Variants in PMFBP1 observed in about 807,000 individuals in gnomAD.
The protein encoded by PMFBP1 is polyamine-modulated factor 1-binding protein 1.
A neutral mutation model predicts 137.8 loss-of-function variants in PMFBP1; 131 were observed. The ratio of observed to expected loss-of-function variants is 0.95; its 90% CI spans 0.82 to 1.10. PMFBP1 has a LOEUF of 1.10. Ranked by LOEUF, PMFBP1 falls within the 50% of genes least tolerant of loss-of-function variation. PMFBP1 has a pLI of 0.00. For synonymous variants in PMFBP1, 490 were observed against 450.4 expected (o/e 1.09, Z -1.11); for missense variants, 1,199 against 1,175.4 (o/e 1.02, Z -0.29).
chr16:72,154,119 C>T (rs751069049), intron 4 of PMFBP1, 92 bp downstream of exon 4: 719 of 1,506,734 alleles, frequency 4.8e-4, no homozygotes, highest in Middle Eastern at 2.9e-3. Context: ...GCAAAGCTCT[C>T]CTAAGTCCAG....
upstream of PMFBP1, among the ~76,000 whole-genome samples, chr16:72,173,468 G>A (rs1161788608): frequency 1.3e-5 from 2 of 152,188 alleles, no homozygotes; most frequent in African/African-American, 4.8e-5. Context: ...AGAGCCAAGA[G>A]CATTTCGAAG....
chr16:72,236,956 C>A, the PMFBP1 span, among the ~76,000 whole-genome samples: 59 of 152,268 alleles, frequency 3.9e-4, 1 homozygote, highest in Middle Eastern at 6.8e-3. Context: ...AAAATACTTT[C>A]ATCACTTCTC....
the PMFBP1 span, among the ~76,000 whole-genome samples, chr16:72,223,196 TGAG>T: frequency 2.0e-5 from 3 of 152,074 alleles, no homozygotes; most frequent in Admixed American, 6.6e-5. Context: ...AGGTTAAAGT[TGAG>T]GAGTATGTCA....
chr16:72,119,243 A>G lies in PMFBP1; in HGVS notation c.*95T>C. The G allele has an allele frequency of 7.2e-7, 1 of 1,391,842 alleles. No homozygotes were observed. The highest frequency in any genetic ancestry group is 1.4e-5 in the African/African-American group (1 of 69,770). The allele number at this position is 1,391,842 out of a possible 1,614,324, so 86.2% of individuals were successfully genotyped here. A position where few individuals can be genotyped will look rare whatever the true frequency, so the allele number is the denominator to read the frequency against. On this transcript the variant is annotated 3_prime_UTR_variant, in exon 21 of 21. Transcript: ENST00000237353. ...GCTGGGACCGTGATATACTCCTGTA[A>G]GAGCTGATCCAGGTCAAGAGAGAGG...
At chr16:72,204,836 G>A in the PMFBP1 span, among the ~76,000 whole-genome samples, 1 of 152,200 alleles carries the variant, frequency 6.6e-6, no homozygotes, top group Non-Finnish European at 1.5e-5. Flanking sequence ...TCTGTCCAGT[G>A]AGGTAGCCCT....
the PMFBP1 span, among the ~76,000 whole-genome samples, chr16:72,234,267 A>T: frequency 1.3e-5 from 2 of 152,172 alleles, no homozygotes; most frequent in Non-Finnish European, 2.9e-5. Context: ...AACTTGCCAA[A>T]CAGATGGAGA....
chr16:72,155,811 A>C (rs1197900125), intron 3 of PMFBP1, among the ~76,000 whole-genome samples: 1 of 152,076 alleles, frequency 6.6e-6, no homozygotes, highest in African/African-American at 2.4e-5. Flanking sequence ...GTTTTAGAAC[A>C]TTTCTATCAA....
At chr16:72,199,262 G>A in the PMFBP1 span, among the ~76,000 whole-genome samples, 1 of 146,008 alleles carries the variant, frequency 6.8e-6, no homozygotes, top group Admixed American at 6.9e-5. Context: ...CCCGCTTTAT[G>A]AATGTCACTT....
chr16:72,121,311 A>G (rs2042373928), intron 19 of PMFBP1, among the ~76,000 whole-genome samples: 1 of 152,126 alleles, frequency 6.6e-6, no homozygotes, highest in African/African-American at 2.4e-5. Flanking sequence ...GTGGGTCTGG[A>G]GAGGGGGTCT....
At chr16:72,161,871 G>C (rs539175506) in intron 3 of PMFBP1, among the ~76,000 whole-genome samples, 1 of 152,024 alleles carries the variant, frequency 6.6e-6, no homozygotes, top group East Asian at 1.9e-4. Flanking sequence ...GTGTAATAAT[G>C]CCCATCAAGA....
At chr16:72,245,431 C>G in the PMFBP1 span, among the ~76,000 whole-genome samples, 2 of 152,158 alleles carry the variant, frequency 1.3e-5, no homozygotes, top group African/African-American at 2.4e-5. Context: ...ACCCAGATGG[C>G]CTGGCTACAG....
intron 5 of PMFBP1, among the ~76,000 whole-genome samples, chr16:72,144,107 A>G (rs2042766198): frequency 1.3e-5 from 2 of 152,144 alleles, no homozygotes; most frequent in Admixed American, 1.3e-4. Context: ...AACAACTGAA[A>G]TATGTCCAGG....
At chr16:72,204,036 T>C in the PMFBP1 span, among the ~76,000 whole-genome samples, 1 of 152,158 alleles carries the variant, frequency 6.6e-6, no homozygotes, top group Non-Finnish European at 1.5e-5. Context: ...CTGCTTGGGA[T>C]AGTTTTTCTT....
upstream of PMFBP1, among the ~76,000 whole-genome samples, chr16:72,179,000 T>C (rs1332498385): frequency 6.6e-6 from 1 of 152,210 alleles, no homozygotes; most frequent in Admixed American, 6.5e-5. Context: ...GCTTCTTGAG[T>C]TGCCCTGGGC....
At chr16:72,232,890 G>C in the PMFBP1 span, among the ~76,000 whole-genome samples, 1 of 152,072 alleles carries the variant, frequency 6.6e-6, no homozygotes. Flanking sequence ...TTTATAGTCT[G>C]GTGTCAGAGG....
the PMFBP1 span, among the ~76,000 whole-genome samples, chr16:72,192,727 C>A: frequency 2.0e-5 from 3 of 151,852 alleles, no homozygotes; most frequent in Non-Finnish European, 4.4e-5. Context: ...TATGGTGAAA[C>A]CCCGTCTCTA....
chr16:72,121,984 T>G (rs1376869283), intron 19 of PMFBP1, among the ~76,000 whole-genome samples: 1 of 152,174 alleles, frequency 6.6e-6, no homozygotes, highest in Non-Finnish European at 1.5e-5. Flanking sequence ...GTACATTTTA[T>G]TTCATCACCC....
Position 72,122,984 on chromosome 16 carries a change from C to A in PMFBP1, c.2698G>T (p.Ala900Ser). The change falls in exon 19 of 21, where the codon GCC becomes TCC. Residue 900 changes from alanine (A) to serine (S), a missense_variant. By Grantham distance (99) the Ala-to-Ser change is moderately conservative. Coordinates refer to ENST00000237353, the MANE Select transcript of PMFBP1 (RefSeq NM_031293.3). ...LEQWAKQQKV[A>S]NEKLGNQLRE... ...AGCTGGTTTCCTAGTTTCTCATTGG[C>A]GACCCTGTAATAAAATCACAGGAGA... is the stretch of plus-strand genomic sequence containing the variant. 1 of 1,612,374 alleles carries A rather than the reference C, an allele frequency of 6.2e-7. No homozygotes were observed. Among genetic ancestry groups the A allele is most frequent in the Admixed American group, 1.7e-5 (1 of 59,994 alleles).
In PMFBP1 at chr16:72,136,741, G is replaced by A. The variant is rs748088899; in HGVS notation, c.997C>T (p.Arg333Cys). Residue 333 changes from arginine (R) to cysteine (C), a missense_variant, in exon 8 of 21, where the codon CGC (arginine) becomes TGC (cysteine). Arg to Cys is a radical substitution (Grantham distance 180). Coordinates refer to ENST00000237353, the MANE Select transcript of PMFBP1 (RefSeq NM_031293.3). ...TCCGACACGGCCTCTAGTTCCACGC[G>A]CAGATCCTTCACCAGGTTCTGGTAC... ...EEYQNLVKDL[R>C]VELEAVSEQK... The A allele has an allele frequency of 1.5e-5, 25 of 1,613,978 alleles. No homozygotes were observed. The highest frequency in any genetic ancestry group is 3.3e-4 in the Middle Eastern group (2 of 6,084).
Sources: allele counts gnomAD v4.1 joint callset (sites outside exome capture counted in the v4.1 genomes callset), GRCh38; gene constraint gnomAD v4.1.1; transcripts MANE v1.5; gene names NCBI Gene and HGNC (gene_info 2026-07-23, HGNC 2026-07-21).